The following TENM2 variants were observed in gnomAD, a reference collection of about 807,000 sequenced individuals.
TENM2 encodes teneurin-2.
In TENM2, 52 loss-of-function variants were observed where a neutral mutation model predicts 245.2. The observed-to-expected ratio is 0.21, with a 90% CI of 0.17 to 0.27. The LOEUF (loss-of-function observed/expected upper bound fraction) is 0.27, where lower values mean the gene tolerates loss of function less well. Among genes scored for constraint, TENM2 ranks in the 10% least tolerant of loss-of-function variants. The pLI is 1.00. For synonymous variants in TENM2, 1,363 were observed against 1,438.9 expected (o/e 0.95, Z 1.19); for missense variants, 3,046 against 3,666.8 (o/e 0.83, Z 4.37).
At chr5:167,176,928 A>C in the TENM2 span, among the ~76,000 whole-genome samples, 1 of 152,210 alleles carries the variant, frequency 6.6e-6, no homozygotes, top group Non-Finnish European at 1.5e-5. Flanking sequence ...ACTTTCAGAG[A>C]CCTTAGGTAC....
intron 2 of TENM2, among the ~76,000 whole-genome samples, chr5:167,554,417 G>T (rs1226946687): frequency 6.6e-6 from 1 of 152,148 alleles, no homozygotes; most frequent in Non-Finnish European, 1.5e-5. Flanking sequence ...TAGATTCTGT[G>T]ACCTCACGAT....
intron 3 of TENM2, among the ~76,000 whole-genome samples, chr5:167,897,629 TGAA>T (rs1263192372): frequency 6.6e-6 from 1 of 152,112 alleles, no homozygotes; most frequent in Admixed American, 6.6e-5. Flanking sequence ...CTAAATGAAA[TGAA>T]GGAAGAGAAA....
At chr5:166,979,312 G>A in the TENM2 span, among the ~76,000 whole-genome samples, 16 of 152,156 alleles carry the variant, frequency 1.1e-4, no homozygotes, top group East Asian at 3.9e-4. Flanking sequence ...GGGAGTCCGG[G>A]GGGCGGGTAA....
chr5:167,657,132 G>C (rs1754896490), intron 2 of TENM2, among the ~76,000 whole-genome samples: 2 of 152,040 alleles, frequency 1.3e-5, no homozygotes, highest in South Asian at 4.1e-4. Context: ...ATGTTTCCCA[G>C]CCTCTGGTAT....
At chr5:168,050,411 G>A (rs965187416) in intron 6 of TENM2, among the ~76,000 whole-genome samples, 2 of 152,044 alleles carry the variant, frequency 1.3e-5, no homozygotes, top group African/African-American at 4.8e-5. Context: ...AATTCCAATC[G>A]ACTTCTTTTC....
chr5:168,049,946 G>A (rs923288677), intron 6 of TENM2, among the ~76,000 whole-genome samples: 3 of 152,240 alleles, frequency 2.0e-5, no homozygotes, highest in African/African-American at 7.2e-5. Context: ...GGGACTACAG[G>A]CATGTGCCAC....
the TENM2 span, among the ~76,000 whole-genome samples, chr5:167,214,612 G>C: frequency 6.6e-6 from 1 of 152,118 alleles, no homozygotes; most frequent in African/African-American, 2.4e-5. Flanking sequence ...GTTCTTCTAA[G>C]AGCAGGAGAA....
At chr5:167,006,369 GAAGT>G in the TENM2 span, among the ~76,000 whole-genome samples, 3 of 152,100 alleles carry the variant, frequency 2.0e-5, no homozygotes, top group Admixed American at 1.3e-4. Context: ...TTTCTTCTTA[GAAGT>G]AAGTTGTTTT....
At chr5:167,408,894 A>G (rs1020186782) in intron 2 of TENM2, among the ~76,000 whole-genome samples, 1 of 150,466 alleles carries the variant, frequency 6.6e-6, no homozygotes, top group African/African-American at 2.4e-5. Context: ...TATATATGTC[A>G]TGGTGTTTTA....
At chr5:167,906,337 A>G (rs1776084180) in intron 3 of TENM2, among the ~76,000 whole-genome samples, 1 of 152,240 alleles carries the variant, frequency 6.6e-6, no homozygotes, top group African/African-American at 2.4e-5. Flanking sequence ...CAATCAAATC[A>G]GTGAACATTT....
At chr5:167,101,849 T>TA in the TENM2 span, among the ~76,000 whole-genome samples, 869 of 69,358 alleles carry the variant, frequency 0.013, 50 homozygotes, top group African/African-American at 0.046. Context: ...ATATATATAT[T>TA]TATATATATA....
chr5:167,606,670 C>T (rs891907473), intron 2 of TENM2, among the ~76,000 whole-genome samples: 17 of 152,146 alleles, frequency 1.1e-4, no homozygotes, highest in African/African-American at 4.1e-4. Context: ...TAATAATATA[C>T]TGATGTTCTG....
intron 2 of TENM2, among the ~76,000 whole-genome samples, chr5:167,743,558 T>TC (rs1388580450): frequency 1.3e-5 from 2 of 152,120 alleles, no homozygotes; most frequent in African/African-American, 4.8e-5. Flanking sequence ...TTGAAAACCT[T>TC]CCCATTAAGA....
chr5:167,059,451 G>A, the TENM2 span, among the ~76,000 whole-genome samples: 4 of 152,112 alleles, frequency 2.6e-5, no homozygotes, highest in Admixed American at 2.6e-4. Context: ...TTTTTCAGAC[G>A]AATGTTTCTA....
intron 2 of TENM2, among the ~76,000 whole-genome samples, chr5:167,632,704 G>A (rs988018906): frequency 1.1e-4 from 16 of 152,130 alleles, no homozygotes; most frequent in African/African-American, 3.9e-4. Context: ...TGGAACATGT[G>A]TGTGTGTGAG....
chr5:168,229,208 A>AAATTACCTGTCCAAGGACACGAT (rs11275788), intron 25 of TENM2, among the ~76,000 whole-genome samples: 1 of 79,578 alleles, frequency 1.3e-5, no homozygotes, highest in African/African-American at 1.8e-4. Flanking sequence ...CAGGGAAGCT[A>AAATTACCTGTCCAAGGACACGAT]AATTACCTGT....
chr5:167,962,609 TA>T (rs934662560), intron 4 of TENM2, among the ~76,000 whole-genome samples: 1 of 152,198 alleles, frequency 6.6e-6, no homozygotes, highest in Non-Finnish European at 1.5e-5. Context: ...GAAACAGATT[TA>T]ATTGACTGAC....
chr5:167,724,897 A>T (rs1759884247), intron 2 of TENM2, among the ~76,000 whole-genome samples: 2 of 152,212 alleles, frequency 1.3e-5, no homozygotes, highest in Non-Finnish European at 2.9e-5. Context: ...AGGCTGGATT[A>T]CGGCAGGTAA....
At chr5:168,123,570 G>A (rs189045448) in intron 10 of TENM2, among the ~76,000 whole-genome samples, 113 of 152,340 alleles carry the variant, frequency 7.4e-4, no homozygotes, top group African/African-American at 2.6e-3. Flanking sequence ...CACTGTCAGC[G>A]TGGTCCATAA....
Sources: allele counts gnomAD v4.1 joint callset (sites outside exome capture counted in the v4.1 genomes callset), GRCh38; gene constraint gnomAD v4.1.1; transcripts MANE v1.5; gene names NCBI Gene and HGNC (gene_info 2026-07-23, HGNC 2026-07-21).